Variants in MITF observed in about 807,000 individuals in gnomAD.
MITF encodes melanocyte inducing transcription factor.
In MITF, 17 loss-of-function variants were observed where a neutral mutation model predicts 60.5. The observed-to-expected ratio is 0.28, with a 90% CI of 0.19 to 0.42. MITF has a LOEUF of 0.42. Among genes scored for constraint, MITF ranks in the 10% least tolerant of loss-of-function variants. The probability of loss-of-function intolerance (pLI) is 1.00; values close to 1 mark genes in which losing one functional copy is unlikely to be tolerated. For synonymous variants in MITF, 260 were observed against 248.5 expected (o/e 1.05, Z -0.43); for missense variants, 622 against 683.5 (o/e 0.91, Z 1.00).
chr3:69,872,526 A>G (rs984045686), intron 1 of MITF, among the ~76,000 whole-genome samples: 3 of 152,216 alleles, frequency 2.0e-5, no homozygotes, highest in Non-Finnish European at 4.4e-5. Flanking sequence ...CAAAAATAAA[A>G]AATGAAAGTG....
At chr3:69,804,511 C>G (rs2062974362) in intron 1 of MITF, among the ~76,000 whole-genome samples, 1 of 152,126 alleles carries the variant, frequency 6.6e-6, no homozygotes, top group African/African-American at 2.4e-5. Context: ...CCAACATTTA[C>G]TACATTTTTG....
intron 1 of MITF, chr3:69,763,633 TCTC>T (rs1205074843): frequency 8.2e-7 from 1 of 1,225,450 alleles, no homozygotes; most frequent in African/African-American, 1.6e-5. Flanking sequence ...TTTGTAATAA[TCTC>T]CTTTCTGAGA....
At chr3:69,912,425 A>G (rs1046560818) in intron 2 of MITF, among the ~76,000 whole-genome samples, 1 of 152,198 alleles carries the variant, frequency 6.6e-6, no homozygotes, top group African/African-American at 2.4e-5. Flanking sequence ...CAAAAAAGGT[A>G]AGGAATACTT....
intron 1 of MITF, among the ~76,000 whole-genome samples, chr3:69,786,674 C>T (rs749361883): frequency 2.8e-4 from 43 of 151,992 alleles, no homozygotes; most frequent in African/African-American, 6.3e-4. Flanking sequence ...GAAAATGAGA[C>T]GTGTTTGCTT....
chr3:69,913,840 A>C (rs941166396), intron 2 of MITF, among the ~76,000 whole-genome samples: 47 of 152,202 alleles, frequency 3.1e-4, no homozygotes, highest in African/African-American at 1.1e-3. Context: ...AGATGATATA[A>C]AGCTGTAACA....
intron 7 of MITF, among the ~76,000 whole-genome samples, chr3:69,954,986 A>T (rs1576043774): frequency 6.6e-6 from 1 of 152,226 alleles, no homozygotes; most frequent in African/African-American, 2.4e-5. Flanking sequence ...TTTGGAATTT[A>T]TTTGTTTGAC....
At chr3:69,768,346 C>T (rs955063320) in intron 1 of MITF, among the ~76,000 whole-genome samples, 8 of 152,186 alleles carry the variant, frequency 5.3e-5, no homozygotes, top group Non-Finnish European at 1.0e-4. Context: ...TGCTCACATA[C>T]ACACCTTCCT....
chr3:69,894,778 A>G (rs2064836653), intron 2 of MITF, among the ~76,000 whole-genome samples: 1 of 151,518 alleles, frequency 6.6e-6, no homozygotes, highest in Non-Finnish European at 1.5e-5. Flanking sequence ...TATATTTTTT[A>G]CCTTTTAGAA....
At chr3:69,836,202 T>A (rs1044651382) in intron 1 of MITF, among the ~76,000 whole-genome samples, 1 of 152,212 alleles carries the variant, frequency 6.6e-6, no homozygotes, top group Admixed American at 6.5e-5. Flanking sequence ...ATGGTTATGT[T>A]TATTCCTATA....
intron 4 of MITF, 133 bp downstream of exon 4, chr3:69,939,314 G>A: frequency 1.3e-6 from 1 of 766,062 alleles, no homozygotes; most frequent in Non-Finnish European, 2.2e-6. Context: ...GAGAAAGCTA[G>A]GAACATTGCC....
chr3:69,825,341 C>A (rs1051218086), intron 1 of MITF, among the ~76,000 whole-genome samples: 3 of 152,114 alleles, frequency 2.0e-5, no homozygotes, highest in Non-Finnish European at 4.4e-5. Flanking sequence ...TTAGGAAAAT[C>A]TGGAAGTTTG....
chr3:69,851,990 A>G (rs887054260), intron 1 of MITF, among the ~76,000 whole-genome samples: 9 of 152,154 alleles, frequency 5.9e-5, no homozygotes, highest in Admixed American at 5.2e-4. Context: ...ATACTGATCC[A>G]TGCACTCAGT....
chr3:69,812,060 A>G (rs2063109129), intron 1 of MITF, among the ~76,000 whole-genome samples: 1 of 150,264 alleles, frequency 6.7e-6, no homozygotes, highest in Admixed American at 6.6e-5. Context: ...GCAACCCCAG[A>G]TGCTTTGAGT....
rs1284098990 is a variant in MITF at position 69,964,372 on chromosome 3, TA to T, written c.1180-470del. ...TACATAATCAAATCTATAAAACACC[TA>T]AAAATTTATTTCACATACTGCCAGT... On this transcript the variant is annotated intron_variant, in intron 9 of 9. Transcript: ENST00000352241. Among the ~76,000 whole-genome samples, 7 of 75,784 alleles carry T rather than the reference TA, an allele frequency of 9.2e-5. 3 individuals carry two copies. Among genetic ancestry groups the T allele is most frequent in the African/African-American group, 2.8e-4 (5 of 17,596 alleles). 49.7% of individuals were successfully genotyped at this position (75,784 alleles called of 152,430 possible). A position where few individuals can be genotyped will look rare whatever the true frequency, so the allele number is the denominator to read the frequency against.
At chr3:69,756,298 G>T (rs912747945) in intron 1 of MITF, among the ~76,000 whole-genome samples, 1 of 151,944 alleles carries the variant, frequency 6.6e-6, no homozygotes, top group Admixed American at 6.6e-5. Context: ...CACAACCCCC[G>T]ACAGGCCCTG....
chr3:69,904,071 C>G (rs2065048408), intron 2 of MITF, among the ~76,000 whole-genome samples: 1 of 152,082 alleles, frequency 6.6e-6, no homozygotes, highest in South Asian at 2.1e-4. Flanking sequence ...ATAAACACGT[C>G]TAGAAACAAG....
intron 5 of MITF, among the ~76,000 whole-genome samples, chr3:69,947,824 T>C (rs2066138108): frequency 1.3e-5 from 2 of 152,128 alleles, no homozygotes; most frequent in African/African-American, 4.8e-5. Context: ...TCATAGAGTA[T>C]ATGTTTAGAG....
In MITF at chr3:69,840,151, G is replaced by A. The variant is rs80066153; in HGVS notation, c.105-38983G>A. ...AGGGTCAGTCCAGACCACACTCCTA[G>A]ACCTTACTTCTGGTCCTCCTTGCAA... On this transcript the variant is annotated intron_variant, in intron 1 of 9. Coordinates refer to ENST00000352241, the MANE Select transcript of MITF (RefSeq NM_001354604.2). Among the ~76,000 whole-genome samples, 566 of 152,292 alleles carry A rather than the reference G, an allele frequency of 3.7e-3. 4 individuals carry two copies. The highest frequency in any genetic ancestry group is 6.8e-3 in the Middle Eastern group (2 of 294).
At chr3:69,862,894 T>G (rs1575836873) in intron 1 of MITF, among the ~76,000 whole-genome samples, 1 of 152,164 alleles carries the variant, frequency 6.6e-6, no homozygotes, top group Admixed American at 6.5e-5. Flanking sequence ...TTGTGCTTAG[T>G]TTTTCTGATA....
Sources: gnomAD v4.1 joint callset for allele counts (sites outside exome capture counted in the v4.1 genomes callset) on GRCh38, gnomAD v4.1.1 for gene constraint, MANE v1.5 for transcripts, NCBI Gene and HGNC (gene_info 2026-07-23, HGNC 2026-07-21) for gene names.